GLTP: variants seen among roughly 807,000 people sequenced by gnomAD.
GLTP encodes the protein glycolipid transfer protein.
Under a neutral mutation model 24.0 loss-of-function variants are expected in GLTP, and 22 were observed. The observed-to-expected ratio is 0.92, with a 90% CI of 0.65 to 1.31. GLTP has a LOEUF of 1.31. Ranked by LOEUF, GLTP falls within the 50% of genes most tolerant of loss-of-function variation. The pLI is 0.00. For synonymous variants in GLTP, 92 were observed against 115.9 expected (o/e 0.79, Z 1.33); for missense variants, 224 against 276.6 (o/e 0.81, Z 1.35).
chr12:109,857,797 A>G lies in GLTP; in HGVS notation c.163-138T>C, dbSNP rs1892818879. ...AGGAACAGCAGGGATAAGACTTGTA[A>G]CAATAACTATGACTGTTCACATGAG... On this transcript the variant is annotated intron_variant, in intron 2 of 4. Transcript: ENST00000318348. The surrounding 1 kb of genome is among the most constrained non-coding windows in gnomAD (Gnocchi z 4.3). 1 of 841,484 alleles carries G rather than the reference A, an allele frequency of 1.2e-6. No homozygotes were observed. Among genetic ancestry groups the G allele is most frequent in the Non-Finnish European group, 2.0e-6 (1 of 505,474 alleles). 52.1% of individuals were successfully genotyped at this position (841,484 alleles called of 1,614,324 possible).
rs1453428575 is a variant in GLTP at position 109,857,774 on chromosome 12, GA to G, written c.163-116del. 4.0e-6 allele frequency: 4 copies of G among 1,005,044 alleles called. No homozygotes were observed. The highest frequency in any genetic ancestry group is 6.3e-6 in the Non-Finnish European group (4 of 635,736). The allele number at this position is 1,005,044 out of a possible 1,614,324, so 62.3% of individuals were successfully genotyped here. On this transcript the variant is annotated intron_variant, in intron 2 of 4. Transcript: ENST00000318348. This position sits in a 1 kb window ranked among gnomAD's most constrained non-coding sequence, Gnocchi z 4.3. ...TCTCCTGCTCCTTCCTGCCCTCCAGGAACAGCAGGGATAAGACTTGTAACAA... is the reference window on the plus strand; with the variant it reads ...TCTCCTGCTCCTTCCTGCCCTCCAGGACAGCAGGGATAAGACTTGTAACAA...
In GLTP at chr12:109,857,964, G is replaced by A. The variant is rs321725; in HGVS notation, c.163-305C>T. Reference sequence around the variant, plus strand: ...GGACTTGCCCAAGGTCACACAGTTGGTACAGAGTTCATGTTCTCCAGCCAC... The same window carrying A: ...GGACTTGCCCAAGGTCACACAGTTGATACAGAGTTCATGTTCTCCAGCCAC... On this transcript the variant is annotated intron_variant, in intron 2 of 4. Coordinates refer to ENST00000318348, the MANE Select transcript of GLTP (RefSeq NM_016433.4). This position sits in a 1 kb window ranked among gnomAD's most constrained non-coding sequence, Gnocchi z 4.3. The A allele has an allele frequency of 0.013, 5,687 of 449,194 alleles. 63 individuals carry two copies. The highest frequency in any genetic ancestry group is 0.017 in the Admixed American group (557 of 32,654). The allele number at this position is 449,194 out of a possible 1,614,324, so 27.8% of individuals were successfully genotyped here. A position where few individuals can be genotyped will look rare whatever the true frequency, so the allele number is the denominator to read the frequency against.
chr12:109,874,872 G>C (rs1868835499), intron 1 of GLTP, among the ~76,000 whole-genome samples: 1 of 152,182 alleles, frequency 6.6e-6, no homozygotes, highest in Non-Finnish European at 1.5e-5. Context: ...GGATTCTTCT[G>C]CCTCAGCCTC....
At chr12:109,869,319 AAG>A (rs1300622396) in intron 1 of GLTP, among the ~76,000 whole-genome samples, 33 of 131,868 alleles carry the variant, frequency 2.5e-4, no homozygotes, top group South Asian at 2.2e-3. Context: ...AAAAAAAAAA[AAG>A]AAAGAAAGAA....
Position 109,880,336 on chromosome 12 carries a change from G to T in GLTP, c.39C>A (p.Pro13=). Residue 13 remains proline, a synonymous_variant, in exon 1 of 5, where the codon CCC becomes CCA. Coordinates refer to ENST00000318348, the MANE Select transcript of GLTP (RefSeq NM_016433.4). The surrounding 1 kb of genome is among the most constrained non-coding windows in gnomAD (Gnocchi z 5.1). ...GCCCGGTCTCGATCTGCTTGTCCGC[G>T]GGCAGCGGCTTCAGCAAGTGTTCGG... The part of the protein sequence containing the change: ...LLAEHLLKPL[P]ADKQIETGPF... 1 of 1,603,958 alleles carries T rather than the reference G, an allele frequency of 6.2e-7. No homozygotes were observed. The highest frequency in any genetic ancestry group is 8.5e-7 in the Non-Finnish European group (1 of 1,176,984).
Position 109,857,609 on chromosome 12 carries a change from C to A in GLTP, c.213G>T (p.Gln71His). 1.9e-6 allele frequency: 3 copies of A among 1,614,150 alleles called. No homozygotes were observed. In the South Asian group the frequency reaches 3.3e-5, roughly 18 times the overall value. ...TTTCTTTCTCCACCTCCAGGATGTT[C>A]TGCAGGGTCCGGAACTTGGCTGGGT... is the stretch of plus-strand genomic sequence containing the variant. ...DTNPAKFRTLQNILEVEKEMY... is the reference protein window; with the variant it reads ...DTNPAKFRTLHNILEVEKEMY... The change falls in exon 3 of 5, where the codon CAG becomes CAT. Residue 71 changes from glutamine to histidine, a missense_variant. Physicochemically the swap from Gln to His is conservative, Grantham distance 24 (BLOSUM62 0). Coordinates refer to ENST00000318348, the MANE Select transcript of GLTP (RefSeq NM_016433.4). This position sits in a 1 kb window ranked among gnomAD's most constrained non-coding sequence, Gnocchi z 4.3.
intron 1 of GLTP, among the ~76,000 whole-genome samples, chr12:109,872,596 G>A (rs1227983503): frequency 6.6e-6 from 1 of 152,196 alleles, no homozygotes; most frequent in Non-Finnish European, 1.5e-5. Context: ...GGGATCAAGA[G>A]TGGGACCCAC....
intron 1 of GLTP, among the ~76,000 whole-genome samples, chr12:109,867,685 T>C (rs1434847518): frequency 3.3e-5 from 5 of 152,142 alleles, no homozygotes; most frequent in African/African-American, 9.7e-5. Context: ...ATCACACTAA[T>C]TTCTCTTTTT....
At chr12:109,869,277 C>G (rs1868637521) in intron 1 of GLTP, among the ~76,000 whole-genome samples, 1 of 119,848 alleles carries the variant, frequency 8.3e-6, no homozygotes, top group Non-Finnish European at 1.6e-5. Context: ...GCAATCCAGC[C>G]TGGGCGACAG....
chr12:109,861,521 G>A (rs534278095), intron 1 of GLTP, among the ~76,000 whole-genome samples: 1 of 152,142 alleles, frequency 6.6e-6, no homozygotes, highest in African/African-American at 2.4e-5. Context: ...AGGCCAAGGC[G>A]GGCGGATCAC....
Position 109,855,514 on chromosome 12 carries a change from G to T in GLTP, c.447+105C>A. On this transcript the variant is annotated intron_variant, in intron 4 of 4. Coordinates refer to ENST00000318348, the MANE Select transcript of GLTP (RefSeq NM_016433.4). The surrounding 1 kb of genome is among the most constrained non-coding windows in gnomAD (Gnocchi z 4.1). ...AGGGAGCCCTTCCTGAGCCCGAGGG[G>T]GTAAACACAGCCTCACAGGCCAGGA... 9.7e-7 allele frequency: 1 copy of T among 1,034,260 alleles called. No homozygotes were observed. Among genetic ancestry groups the T allele is most frequent in the South Asian group, 1.8e-5 (1 of 55,914 alleles). The allele number at this position is 1,034,260 out of a possible 1,614,324, so 64.1% of individuals were successfully genotyped here.
At position 109,852,523 on chromosome 12, in the gene GLTP, C is replaced by T. The variant is rs754000473; in HGVS notation, c.*32G>A. On this transcript the variant is annotated 3_prime_UTR_variant, in exon 5 of 5. Transcript: ENST00000318348. ...GTTTGCCTGTTTCTCCATGTGGCCA[C>T]GAGTCGGGGACGTGTCCAGCAGTGG... 6.9e-6 allele frequency: 10 copies of T among 1,452,606 alleles called. No homozygotes were observed. Among genetic ancestry groups the T allele is most frequent in the East Asian group, 2.3e-5 (1 of 43,990 alleles). The allele number at this position is 1,452,606 out of a possible 1,614,324, so 90.0% of individuals were successfully genotyped here.
rs149991256 is a variant in GLTP, at chr12:109,857,909, G to A, written c.163-250C>T. ...TTGCTGTCATTATCCCATTTTACAG[G>A]CAGAGACACTGAGGCTCACAGAGGA... On this transcript the variant is annotated intron_variant, in intron 2 of 4. Coordinates refer to ENST00000318348, the MANE Select transcript of GLTP (RefSeq NM_016433.4). This position sits in a 1 kb window ranked among gnomAD's most constrained non-coding sequence, Gnocchi z 4.3. 695 of 525,106 alleles carry A rather than the reference G, an allele frequency of 1.3e-3. 1 individual carries two copies. The highest frequency in any genetic ancestry group is 7.7e-3 in the Middle Eastern group (18 of 2,332). 32.5% of individuals were successfully genotyped at this position (525,106 alleles called of 1,614,324 possible). A position where few individuals can be genotyped will look rare whatever the true frequency, so the allele number is the denominator to read the frequency against.
intron 4 of GLTP, among the ~76,000 whole-genome samples, chr12:109,854,232 C>T (rs2136041718): frequency 6.6e-6 from 1 of 151,876 alleles, no homozygotes; most frequent in South Asian, 2.1e-4. Flanking sequence ...TGGTGGCTCG[C>T]ACCTGTAGTC....
In GLTP at chr12:109,851,996, C is replaced by T. The variant is rs188885343; in HGVS notation, c.*559G>A. On this transcript the variant is annotated 3_prime_UTR_variant, in exon 5 of 5. Transcript: ENST00000318348. The stretch of plus-strand genomic sequence containing the variant: ...CTGAGTAGCTGGAACTACAGGCGTG[C>T]GCCACCATGCCCAGCTAATTTTTTA... 33 of 152,372 alleles carry T rather than the reference C, an allele frequency of 2.2e-4. No homozygotes were observed. Among genetic ancestry groups the T allele is most frequent in the Admixed American group, 1.4e-3 (21 of 15,286 alleles). The allele number at this position is 152,372 out of a possible 1,614,324, so 9.4% of individuals were successfully genotyped here. A position where few individuals can be genotyped will look rare whatever the true frequency, so the allele number is the denominator to read the frequency against.
chr12:109,855,582 A>G lies in GLTP; in HGVS notation c.447+37T>C. ...GGCAGAGTGGGGAGCAGAATCTGCA[A>G]GCTGGTGGTCCTTTGGGGCTCATGG... On this transcript the variant is annotated intron_variant, in intron 4 of 4. Coordinates refer to ENST00000318348, the MANE Select transcript of GLTP (RefSeq NM_016433.4). This position sits in a 1 kb window ranked among gnomAD's most constrained non-coding sequence, Gnocchi z 4.1. 1 of 1,509,142 alleles carries G rather than the reference A, an allele frequency of 6.6e-7. No individual in the cohort carries two copies. The highest frequency in any genetic ancestry group is 1.4e-5 in the African/African-American group (1 of 71,272). 93.5% of individuals were successfully genotyped at this position (1,509,142 alleles called of 1,614,324 possible). A position where few individuals can be genotyped will look rare whatever the true frequency, so the allele number is the denominator to read the frequency against.
chr12:109,852,605 T>A lies in GLTP; in HGVS notation c.580A>T (p.Ile194Phe), dbSNP rs754004932. 6.2e-7 allele frequency: 1 copy of A among 1,610,022 alleles called. No homozygotes were observed. The highest frequency in any genetic ancestry group is 8.5e-7 in the Non-Finnish European group (1 of 1,176,328). The change falls in exon 5 of 5, where the codon ATC (isoleucine) becomes TTC (phenylalanine). Residue 194 changes from isoleucine to phenylalanine, a missense_variant. By Grantham distance (21) the Ile-to-Phe change is conservative. Coordinates refer to ENST00000318348, the MANE Select transcript of GLTP (RefSeq NM_016433.4). Reference protein sequence around the residue: ...LVNYTATIDVIYEMYTQMNAE... With the variant: ...LVNYTATIDVFYEMYTQMNAE... ...TTCATCTGGGTGTACATCTCGTAGA[T>A]GACATCGATGGTCGCCGTGTAGTTG...
intron 2 of GLTP, chr12:109,858,106 A>C: frequency 2.2e-6 from 1 of 458,650 alleles, no homozygotes; most frequent in Non-Finnish European, 4.4e-6. Context: ...GGAGCCAGGT[A>C]GGCCTGGGTC....
At position 109,852,267 on chromosome 12, in the gene GLTP, G is replaced by A. The variant is rs1422269541; in HGVS notation, c.*288C>T. The A allele has an allele frequency of 1.1e-5, 3 of 278,556 alleles. No homozygotes were observed. Among genetic ancestry groups the A allele is most frequent in the Non-Finnish European group, 2.0e-5 (3 of 150,946 alleles). 17.3% of individuals were successfully genotyped at this position (278,556 alleles called of 1,614,324 possible). ...ACTTGACTCATTAGAAGTGTTAATC[G>A]GTTTTTACCACGCTGAAATGAAGGT... On this transcript the variant is annotated 3_prime_UTR_variant, in exon 5 of 5. Transcript: ENST00000318348.
Sources: allele counts gnomAD v4.1 joint callset (sites outside exome capture counted in the v4.1 genomes callset), GRCh38; gene constraint gnomAD v4.1.1; non-coding constraint Gnocchi (gnomAD v3.1); transcripts MANE v1.5; gene names NCBI Gene and HGNC (gene_info 2026-07-23, HGNC 2026-07-21).